The following ROBO2 variants were observed in gnomAD, a reference collection of about 807,000 sequenced individuals.
ROBO2 encodes the protein roundabout homolog 2.
A neutral mutation model predicts 160.8 loss-of-function variants in ROBO2; 53 were observed. That is an observed-to-expected ratio of 0.33 (90% CI 0.26 to 0.41). The LOEUF (loss-of-function observed/expected upper bound fraction) is 0.41. Ranked by LOEUF, ROBO2 falls within the 10% of genes least tolerant of loss-of-function variation. The pLI, the probability that ROBO2 is intolerant of heterozygous loss-of-function variation, is 1.00. For synonymous variants in ROBO2, 664 were observed against 611.7 expected (o/e 1.09, Z -1.26); for missense variants, 1,577 against 1,722.4 (o/e 0.92, Z 1.49).
chr3:75,936,621 CTTATCA>C (rs1947791958), intron 1 of ROBO2, among the ~76,000 whole-genome samples: 1 of 151,948 alleles, frequency 6.6e-6, no homozygotes, highest in African/African-American at 2.4e-5. Flanking sequence ...TAGTTTTGAA[CTTATCA>C]TTATTCAATT....
chr3:76,356,801 A>G (rs2075198333), intron 2 of ROBO2, among the ~76,000 whole-genome samples: 1 of 151,900 alleles, frequency 6.6e-6, no homozygotes, highest in Non-Finnish European at 1.5e-5. Context: ...ATGCAACTGC[A>G]GAAAGTATAT....
intron 23 of ROBO2, chr3:77,632,515 C>G (rs574688709): frequency 7.2e-6 from 11 of 1,535,318 alleles, no homozygotes; most frequent in Non-Finnish European, 9.6e-6. Flanking sequence ...TGATGAGGAT[C>G]GTAACTTTTC....
intron 2 of ROBO2, among the ~76,000 whole-genome samples, chr3:77,430,693 C>T (rs1316267342): frequency 2.0e-5 from 3 of 152,150 alleles, no homozygotes; most frequent in African/African-American, 7.2e-5. Flanking sequence ...ACCATGCCCT[C>T]ACCAGACACT....
chr3:77,161,914 C>T (rs1295485451), intron 2 of ROBO2, among the ~76,000 whole-genome samples: 2 of 152,032 alleles, frequency 1.3e-5, no homozygotes, highest in East Asian at 3.9e-4. Context: ...TAACTTCATC[C>T]AAATTATCTA....
intron 2 of ROBO2, among the ~76,000 whole-genome samples, chr3:76,450,833 C>T (rs544115538): frequency 6.6e-4 from 101 of 152,086 alleles, no homozygotes; most frequent in African/African-American, 2.1e-3. Context: ...AAGACATTTT[C>T]GAAAACCATG....
intron 2 of ROBO2, among the ~76,000 whole-genome samples, chr3:76,177,716 C>A (rs905321563): frequency 1.3e-5 from 2 of 152,062 alleles, no homozygotes; most frequent in Non-Finnish European, 2.9e-5. Context: ...ATCGTCCCTG[C>A]CAGCTGCAAG....
At chr3:77,602,793 T>G in intron 20 of ROBO2, 1 of 479,326 alleles carries the variant, frequency 2.1e-6, no homozygotes, top group Non-Finnish European at 4.0e-6. Flanking sequence ...CCATCTCTAC[T>G]TCCATTAGGG....
Position 76,057,925 on chromosome 3 carries a change from G to T in ROBO2, c.109+120323G>T, listed in dbSNP as rs77401583. On this transcript the variant is annotated intron_variant, in intron 2 of 26. Coordinates refer to the ROBO2 transcript ENST00000487694. ...GATTTAACAGCAAAGCATAAATGTA[G>T]ATAGGTAGTTAAAAATACAGTACAA... 6.9e-3 allele frequency among the ~76,000 whole-genome samples: 1,058 copies of T among 152,270 alleles called. 64 individuals carry two copies. The East Asian group carries it at 0.15, about 22-fold the overall frequency.
intron 2 of ROBO2, among the ~76,000 whole-genome samples, chr3:76,102,997 G>A (rs2108182063): frequency 6.6e-6 from 1 of 151,958 alleles, no homozygotes; most frequent in Non-Finnish European, 1.5e-5. Context: ...ATAATTTTTT[G>A]CATTTTTAGT....
intron 2 of ROBO2, among the ~76,000 whole-genome samples, chr3:76,946,839 A>T (rs187140911): frequency 5.3e-5 from 8 of 152,306 alleles, no homozygotes; most frequent in African/African-American, 1.7e-4. Context: ...ATTACCCTGG[A>T]TGTTTTGTAA....
chr3:77,548,929 C>G (rs2153651744), intron 7 of ROBO2, among the ~76,000 whole-genome samples: 1 of 151,990 alleles, frequency 6.6e-6, no homozygotes, highest in African/African-American at 2.4e-5. Flanking sequence ...ATAAGTCGGT[C>G]TTACTATTTC....
intron 2 of ROBO2, among the ~76,000 whole-genome samples, chr3:76,335,989 T>C (rs2073865805): frequency 6.6e-6 from 1 of 152,228 alleles, no homozygotes; most frequent in African/African-American, 2.4e-5. Flanking sequence ...ACATAGGTTA[T>C]ATTCAGATTG....
intron 2 of ROBO2, among the ~76,000 whole-genome samples, chr3:76,946,319 T>G (rs1180888068): frequency 6.6e-6 from 1 of 152,058 alleles, no homozygotes; most frequent in African/African-American, 2.4e-5. Flanking sequence ...TGTCCAGGGG[T>G]GGGGATTTTC....
chr3:76,897,456 T>C (rs921236727), intron 2 of ROBO2, among the ~76,000 whole-genome samples: 11 of 152,212 alleles, frequency 7.2e-5, no homozygotes, highest in African/African-American at 2.4e-4. Flanking sequence ...GGGTGAGATA[T>C]TGACATCAAT....
At chr3:76,456,687 C>T (rs1048317023) in intron 2 of ROBO2, among the ~76,000 whole-genome samples, 2 of 152,072 alleles carry the variant, frequency 1.3e-5, no homozygotes, top group African/African-American at 4.8e-5. Context: ...ATAATCTTGA[C>T]CAATTTGAAT....
intron 2 of ROBO2, among the ~76,000 whole-genome samples, chr3:76,993,202 A>G (rs1251195517): frequency 7.1e-6 from 1 of 140,436 alleles, no homozygotes; most frequent in African/African-American, 3.0e-5. Flanking sequence ...TCTGACTTAC[A>G]GTCAATCTCC....
At chr3:76,104,582 C>G (rs973443724) in intron 2 of ROBO2, among the ~76,000 whole-genome samples, 5 of 152,116 alleles carry the variant, frequency 3.3e-5, no homozygotes, top group Non-Finnish European at 7.4e-5. Context: ...TAATGAATTC[C>G]AATCAACATC....
intron 2 of ROBO2, among the ~76,000 whole-genome samples, chr3:76,168,844 A>C (rs1260082154): frequency 6.6e-6 from 1 of 151,838 alleles, no homozygotes; most frequent in Non-Finnish European, 1.5e-5. Flanking sequence ...AACCTGCCTT[A>C]ATGGAAATTG....
At chr3:77,217,879 A>G (rs367897060) in intron 2 of ROBO2, among the ~76,000 whole-genome samples, 2 of 152,242 alleles carry the variant, frequency 1.3e-5, no homozygotes, top group South Asian at 4.1e-4. Flanking sequence ...CAAGGACAAA[A>G]GAACCGAAAA....
Sources: gnomAD v4.1 joint callset for allele counts (sites outside exome capture counted in the v4.1 genomes callset) on GRCh38, gnomAD v4.1.1 for gene constraint, MANE v1.5 for transcripts, NCBI Gene and HGNC (gene_info 2026-07-23, HGNC 2026-07-21) for gene names.